The following TEX11 variants were observed in gnomAD, a reference collection of about 807,000 sequenced individuals.
TEX11 encodes testis-expressed protein 11.
In TEX11, 7 loss-of-function variants were observed where a neutral mutation model predicts 84.4. The observed-to-expected ratio is 0.08, with a 90% CI of 0.05 to 0.16. TEX11 has a LOEUF of 0.16. TEX11 is among the 10% of genes least tolerant of loss of function. The probability of loss-of-function intolerance (pLI) is 1.00; values close to 1 mark genes in which losing one functional copy is unlikely to be tolerated. For missense variants in TEX11, 551 were observed against 660.5 expected (o/e 0.83, Z 1.82); for synonymous variants, 264 against 222.8 (o/e 1.18, Z -1.64).
chrX:70,536,404 ATAAT>A (rs2087958967), intron 28 of TEX11, among the ~76,000 whole-genome samples: 1 of 111,904 alleles, frequency 8.9e-6, no homozygotes, highest in Non-Finnish European at 1.9e-5. Flanking sequence ...AGAGGTATAC[ATAAT>A]TAATTAATAA....
chrX:70,716,578 A>C (rs763655584), intron 13 of TEX11, among the ~76,000 whole-genome samples: 1 of 112,458 alleles, frequency 8.9e-6, no homozygotes, highest in African/African-American at 3.2e-5. Flanking sequence ...TGGGCGTAGG[A>C]CCCTCCAAAC....
At position 70,529,062 on chromosome X, in the gene TEX11, C is replaced by T. The variant is rs371388695; in HGVS notation, c.*33G>A. ...AATTTAAACAGTCAGCATCTCGGGACAATGTATCTTCTTCATGTGGCCATG... is the reference window on the plus strand; with the variant it reads ...AATTTAAACAGTCAGCATCTCGGGATAATGTATCTTCTTCATGTGGCCATG... On this transcript the variant is annotated 3_prime_UTR_variant, in exon 30 of 30. Coordinates refer to ENST00000374333, the MANE Select transcript of TEX11 (RefSeq NM_031276.3). 120 of 1,114,527 alleles carry T rather than the reference C, an allele frequency of 1.1e-4. No homozygotes were observed. In the African/African-American group the frequency reaches 2.0e-3, roughly 19 times the overall value. The allele number at this position is 1,114,527 out of a possible 1,213,427, so 91.8% of individuals were successfully genotyped here.
intron 14 of TEX11, among the ~76,000 whole-genome samples, chrX:70,681,985 C>T (rs973234167): frequency 3.6e-5 from 4 of 111,707 alleles, no homozygotes; most frequent in Non-Finnish European, 7.5e-5. Flanking sequence ...CCTAAAATGC[C>T]ACCATTCAGA....
intron 25 of TEX11, among the ~76,000 whole-genome samples, chrX:70,572,444 G>A (rs1182865096): frequency 2.7e-5 from 3 of 111,380 alleles, no homozygotes; most frequent in Middle Eastern, 4.2e-3. Context: ...TCAGTGTGGC[G>A]ATTCCTCAGG....
At chrX:70,866,955 A>C (rs2091602726) in intron 4 of TEX11, among the ~76,000 whole-genome samples, 1 of 112,180 alleles carries the variant, frequency 8.9e-6, no homozygotes, top group African/African-American at 3.2e-5. Flanking sequence ...CCTGTGGAAA[A>C]CTGGCACAAG....
Position 70,599,889 on chromosome X carries a change from T to C in TEX11, c.2067+5512A>G, listed in dbSNP as rs781490786. On this transcript the variant is annotated intron_variant, in intron 24 of 29. Coordinates refer to ENST00000374333, the MANE Select transcript of TEX11 (RefSeq NM_031276.3). The stretch of plus-strand genomic sequence containing the variant: ...GCTGCATAGTATTCCATGGTGTATA[T>C]GTGCCACATTTTCTTAATCCAGTCT... 7.4e-5 allele frequency among the ~76,000 whole-genome samples: 8 copies of C among 108,068 alleles called. No homozygotes were observed. In the South Asian group the frequency reaches 2.1e-3, roughly 29 times the overall value. 93.8% of individuals were successfully genotyped at this position (108,068 alleles called of 115,157 possible). A position where few individuals can be genotyped will look rare whatever the true frequency, so the allele number is the denominator to read the frequency against.
chrX:70,531,253 T>G (rs7064209), intron 28 of TEX11, among the ~76,000 whole-genome samples: 9,478 of 111,186 alleles, frequency 0.085, 475 homozygotes, highest in Admixed American at 0.25. Context: ...GCTGAATGAA[T>G]GAATGAACAA....
At chrX:70,850,810 C>T (rs1436768152) in intron 7 of TEX11, among the ~76,000 whole-genome samples, 1 of 110,139 alleles carries the variant, frequency 9.1e-6, no homozygotes, top group East Asian at 2.8e-4. Context: ...TGGCTCACGC[C>T]TGTAATCCCA....
At chrX:70,685,478 A>G (rs2090180683) in intron 13 of TEX11, among the ~76,000 whole-genome samples, 1 of 112,363 alleles carries the variant, frequency 8.9e-6, no homozygotes, top group Admixed American at 9.4e-5. Context: ...TAAATGTAAT[A>G]CTTGAAACTG....
At chrX:70,563,719 T>A (rs1222384708) in intron 25 of TEX11, among the ~76,000 whole-genome samples, 3 of 112,644 alleles carry the variant, frequency 2.7e-5, no homozygotes, top group African/African-American at 9.7e-5. Context: ...TCGTTGAGTG[T>A]TCTCGTCATG....
intron 13 of TEX11, among the ~76,000 whole-genome samples, chrX:70,716,865 C>T (rs887145356): frequency 1.8e-5 from 2 of 112,365 alleles, no homozygotes; most frequent in African/African-American, 3.2e-5. Flanking sequence ...TCGTCTTCTG[C>T]GTCGCTCACG....
At chrX:70,713,302 T>G (rs938762624) in intron 13 of TEX11, among the ~76,000 whole-genome samples, 8 of 112,121 alleles carry the variant, frequency 7.1e-5, no homozygotes, top group African/African-American at 2.6e-4. Context: ...GATGCTGGCC[T>G]CATAAAGTGA....
intron 2 of TEX11, among the ~76,000 whole-genome samples, chrX:70,898,917 A>C (rs2091788293): frequency 9.0e-6 from 1 of 111,654 alleles, no homozygotes; most frequent in African/African-American, 3.2e-5. Flanking sequence ...AAACTGTACT[A>C]TTCCCCCTAA....
intron 9 of TEX11, among the ~76,000 whole-genome samples, chrX:70,792,125 CAAA>C (rs57717581): frequency 1.6e-5 from 1 of 61,754 alleles, no homozygotes; most frequent in Admixed American, 2.0e-4. Flanking sequence ...AACTCCGTCT[CAAA>C]AAAAAAAAAA....
At chrX:70,832,378 A>G (rs1322489265) in intron 8 of TEX11, among the ~76,000 whole-genome samples, 1 of 112,147 alleles carries the variant, frequency 8.9e-6, no homozygotes, top group Non-Finnish European at 1.9e-5. Flanking sequence ...GAAAATTTGA[A>G]TGACGTTTCC....
At chrX:70,656,111 G>GTA (rs1322287989) in intron 16 of TEX11, among the ~76,000 whole-genome samples, 1 of 63,770 alleles carries the variant, frequency 1.6e-5, no homozygotes, top group Non-Finnish European at 4.0e-5. Flanking sequence ...AAAGGTAGCT[G>GTA]TGTATATATA....
the TEX11 span, among the ~76,000 whole-genome samples, chrX:70,516,772 T>G: frequency 9.0e-6 from 1 of 110,905 alleles, no homozygotes; most frequent in East Asian, 2.8e-4. Context: ...GTTCTTCCAT[T>G]TGTTTGTATC....
At chrX:70,549,664 C>T (rs776727146) in intron 28 of TEX11, among the ~76,000 whole-genome samples, 5 of 111,638 alleles carry the variant, frequency 4.5e-5, no homozygotes, top group South Asian at 3.8e-4. Context: ...GTGGTGGCCA[C>T]GGGGAGAGAC....
At chrX:70,660,331 T>A (rs1240792535) in intron 16 of TEX11, among the ~76,000 whole-genome samples, 1 of 112,444 alleles carries the variant, frequency 8.9e-6, no homozygotes, top group Non-Finnish European at 1.9e-5. Context: ...CTGTAACTTT[T>A]TAACTTTATA....
Sources: gnomAD v4.1 joint callset for allele counts (sites outside exome capture counted in the v4.1 genomes callset) on GRCh38, gnomAD v4.1.1 for gene constraint, MANE v1.5 for transcripts, NCBI Gene and HGNC (gene_info 2026-07-23, HGNC 2026-07-21) for gene names.